KLC3: variants seen among roughly 807,000 people sequenced by gnomAD.
KLC3 encodes the protein kinesin light chain 3, also known as kinesin light chain 2.
In KLC3, 72 loss-of-function variants were observed where a neutral mutation model predicts 62.9. The ratio of observed to expected loss-of-function variants is 1.15; its 90% CI spans 0.95 to 1.39. The LOEUF is 1.39. KLC3 is among the 40% of genes most tolerant of loss of function. The pLI, the probability that KLC3 is intolerant of heterozygous loss-of-function variation, is 0.00. For synonymous variants in KLC3, 377 were observed against 300.5 expected (o/e 1.25, Z -2.63); for missense variants, 848 against 691.6 (o/e 1.23, Z -2.54).
intron 4 of KLC3, 48 bp downstream of exon 4, chr19:45,347,564 G>T: frequency 6.5e-7 from 1 of 1,544,642 alleles, no homozygotes; most frequent in Non-Finnish European, 8.8e-7. Flanking sequence ...CCAGGGTGGG[G>T]AGGGGGCTCT....
In KLC3 at chr19:45,347,433, T is replaced by C; in HGVS notation, c.490-14T>C. The C allele has an allele frequency of 1.2e-6, 2 of 1,607,072 alleles. No individual in the cohort carries two copies. Among genetic ancestry groups the C allele is most frequent in the Non-Finnish European group, 1.7e-6 (2 of 1,176,790 alleles). ...CCCCCACCACCCCGGCCCCCCACTT[T>C]CCTGTCTCTGCAGCAGTCTGAGTCC... On this transcript the variant is annotated splice_polypyrimidine_tract_variant and intron_variant, in intron 3 of 12. Transcript: ENST00000391946.
rs750760353 is a variant in KLC3 at position 45,348,915 on chromosome 19, A to T, written c.963A>T (p.Arg321=). The part of the protein sequence containing the change: ...EPLCQRALEI[R]EKVLGADHPD... The stretch of plus-strand genomic sequence containing the variant: ...TGTGCCAGCGCGCTTTGGAGATCCG[A>T]GAGAAGGTCCCATCCCCCTCACCCC... The change falls in exon 7 of 13, where the codon CGA becomes CGT. Residue 321 remains arginine (R), a synonymous_variant. Coordinates refer to ENST00000391946, the MANE Select transcript of KLC3 (RefSeq NM_177417.3). The T allele has an allele frequency of 7.0e-6, 11 of 1,577,854 alleles. No individual in the cohort carries two copies. In the African/African-American group the frequency reaches 1.5e-4, roughly 21 times the overall value.
intron 1 of KLC3, chr19:45,345,267 T>C (rs577274284): frequency 1.7e-6 from 1 of 581,976 alleles, no homozygotes; most frequent in East Asian, 2.9e-5. Flanking sequence ...CACATAGGAT[T>C]TGGGAACTGT....
intron 1 of KLC3, among the ~76,000 whole-genome samples, chr19:45,343,455 C>T (rs1180291860): frequency 1.3e-5 from 2 of 152,086 alleles, no homozygotes; most frequent in African/African-American, 2.4e-5. Flanking sequence ...ATGCCTCAGC[C>T]TCATGAGTAG....
chr19:45,351,159 T>G (rs1205150950), intron 12 of KLC3, 127 bp from the exon 13 acceptor site: 1 of 1,590,420 alleles, frequency 6.3e-7, no homozygotes, highest in East Asian at 2.2e-5. Flanking sequence ...GGAGCAAAGA[T>G]GGGTTTTACT....
intron 10 of KLC3, 38 bp from the exon 11 acceptor site, chr19:45,350,603 G>T (rs1971693938): frequency 1.2e-6 from 2 of 1,613,552 alleles, no homozygotes; most frequent in Non-Finnish European, 1.7e-6. Context: ...GACTGCATGG[G>T]CCTGGGGGAC....
chr19:45,346,459 C>CG (rs1447203752), intron 2 of KLC3, 85 bp from the exon 3 acceptor site: 1 of 1,155,722 alleles, frequency 8.7e-7, no homozygotes, highest in Non-Finnish European at 1.2e-6. Context: ...TGGGGTGCTA[C>CG]GGCCTGACTC....
In KLC3 at chr19:45,346,667, C is replaced by CGGCGG. The variant is rs1971500361; in HGVS notation, c.383_387dup (p.Leu130GlyfsTer87). ...GCGGGAGGAACTGGAGGAGACGCAGCGGCGGCTTCGGGCCAGCGAGGAGTC... is the reference window on the plus strand; with the variant it reads ...GCGGGAGGAACTGGAGGAGACGCAGCGGCGGGGCGGCTTCGGGCCAGCGAGGAGTC... On this transcript the variant is annotated frameshift_variant, in exon 3 of 13. Coordinates refer to ENST00000391946, the MANE Select transcript of KLC3 (RefSeq NM_177417.3). LOFTEE classifies it high-confidence loss of function. 2 of 1,558,230 alleles carry CGGCGG rather than the reference C, an allele frequency of 1.3e-6. No individual in the cohort carries two copies. Among genetic ancestry groups the CGGCGG allele is most frequent in the South Asian group, 2.4e-5 (2 of 84,472 alleles).
chr19:45,345,665 C>T lies in KLC3; in HGVS notation c.124C>T (p.His42Tyr). Reference protein sequence around the residue: ...QGLEALRAEHHGLAGHLAEAL... With the variant: ...QGLEALRAEHYGLAGHLAEAL... ...GCTGGAGGCGCTGCGGGCAGAGCAC[C>T]ATGGCCTGGCTGGGCACCTGGCGGA... The change falls in exon 2 of 13, where the codon CAT becomes TAT. Residue 42 changes from histidine to tyrosine, a missense_variant. Physicochemically the swap from His to Tyr is moderately conservative, Grantham distance 83. Transcript: ENST00000391946. 1.3e-6 allele frequency: 2 copies of T among 1,581,738 alleles called. No homozygotes were observed. Among genetic ancestry groups the T allele is most frequent in the Non-Finnish European group, 1.7e-6 (2 of 1,165,314 alleles).
rs1971572979 is a variant in KLC3, at chr19:45,348,682, C to T, written c.816C>T (p.Leu272=). ...QNKYKEATDL[L]HDALQIREQT... ...AGTACAAAGAAGCCACAGACCTTCT[C>T]CATGATGCCCTGCAGATCCGGGAGC... Residue 272 remains leucine (L), a synonymous_variant, in exon 6 of 13, where the codon CTC becomes CTT. Transcript: ENST00000391946. 2 of 1,595,942 alleles carry T rather than the reference C, an allele frequency of 1.3e-6. No individual in the cohort carries two copies. The highest frequency in any genetic ancestry group is 1.3e-5 in the African/African-American group (1 of 74,474).
Position 45,346,662 on chromosome 19 carries a change from C to G in KLC3, c.377C>G (p.Thr126Arg), listed in dbSNP as rs200641209. 1 of 1,559,466 alleles carries G rather than the reference C, an allele frequency of 6.4e-7. No individual in the cohort carries two copies. Among genetic ancestry groups the G allele is most frequent in the Admixed American group, 1.9e-5 (1 of 51,764 alleles). The change falls in exon 3 of 13, where the codon ACG (threonine) becomes AGG (arginine). Residue 126 changes from threonine (T) to arginine (R), a missense_variant. Thr to Arg is a moderately conservative substitution (Grantham distance 71). Coordinates refer to ENST00000391946, the MANE Select transcript of KLC3 (RefSeq NM_177417.3). The stretch of plus-strand genomic sequence containing the variant: ...TGGCTGCGGGAGGAACTGGAGGAGA[C>G]GCAGCGGCGGCTTCGGGCCAGCGAG... ...NVWLREELEE[T>R]QRRLRASEES...
Position 45,347,487 on chromosome 19 carries a change from T to A in KLC3, c.530T>A (p.Leu177Gln). ...SPPRRDSLAS[L>Q]FPSEEEERKG... is the part of the protein sequence containing the mutation. Reference sequence around the variant, plus strand: ...CCTCGCCGAGACAGCCTGGCCTCCCTGTTCCCCAGCGAGGAGGAGGAGAGG... The same window carrying A: ...CCTCGCCGAGACAGCCTGGCCTCCCAGTTCCCCAGCGAGGAGGAGGAGAGG... Residue 177 changes from leucine (L) to glutamine (Q), a missense_variant, in exon 4 of 13, where the codon CTG becomes CAG. Coordinates refer to ENST00000391946, the MANE Select transcript of KLC3 (RefSeq NM_177417.3). 1 of 1,611,998 alleles carries A rather than the reference T, an allele frequency of 6.2e-7. No individual in the cohort carries two copies. The highest frequency in any genetic ancestry group is 1.3e-5 in the African/African-American group (1 of 74,764).
At chr19:45,347,620 AG>A in intron 4 of KLC3, 104 bp downstream of exon 4, 1 of 1,089,390 alleles carries the variant, frequency 9.2e-7, no homozygotes, top group East Asian at 2.4e-5. Context: ...TGGGGAGGTG[AG>A]GGCAGGGTGA....
In KLC3 at chr19:45,347,981, C is replaced by T. The variant is rs1310102240; in HGVS notation, c.600C>T (p.Gly200=). The change falls in exon 5 of 13, where the codon GGC becomes GGT. Residue 200 remains glycine (G), a synonymous_variant. Coordinates refer to ENST00000391946, the MANE Select transcript of KLC3 (RefSeq NM_177417.3). Reference sequence around the variant, plus strand: ...GAGCAGCAGCTGCTCAGCAGGGTGGCTATGAGATCCCTGCCCGCCTTCGGA... The same window carrying T: ...GAGCAGCAGCTGCTCAGCAGGGTGGTTATGAGATCCCTGCCCGCCTTCGGA... The part of the protein sequence containing the change: ...AAGAAAAQQG[G]YEIPARLRTL... 1 of 1,609,312 alleles carries T rather than the reference C, an allele frequency of 6.2e-7. No individual in the cohort carries two copies. The highest frequency in any genetic ancestry group is 2.2e-5 in the East Asian group (1 of 44,712).
At position 45,348,073 on chromosome 19, in the gene KLC3, G is replaced by T; in HGVS notation, c.692G>T (p.Arg231Leu). 6.2e-7 allele frequency: 1 copy of T among 1,601,862 alleles called. No homozygotes were observed. Among genetic ancestry groups the T allele is most frequent in the Non-Finnish European group, 8.5e-7 (1 of 1,174,566 alleles). ...GRYEVAVPLC[R>L]QALEDLERSS... is the part of the protein sequence containing the mutation. ...TATGAGGTGGCGGTGCCTCTGTGCC[G>T]CCAGGCCTTGGAGGACCTGGAGCGC... is the stretch of plus-strand genomic sequence containing the variant. The change falls in exon 5 of 13, where the codon CGC (arginine) becomes CTC (leucine). Residue 231 changes from arginine to leucine, a missense_variant. Arg to Leu is a moderately radical substitution (Grantham distance 102, BLOSUM62 -2). Coordinates refer to ENST00000391946, the MANE Select transcript of KLC3 (RefSeq NM_177417.3).
chr19:45,349,854 T>C, intron 8 of KLC3: 1 of 517,190 alleles, frequency 1.9e-6, no homozygotes, highest in Non-Finnish European at 3.4e-6. Context: ...AGCAGACATT[T>C]ATTGAGCTCA....
At chr19:45,341,572 TGTGTGTGCGCGCGC>T (rs1568519285) in intron 1 of KLC3, among the ~76,000 whole-genome samples, 1 of 127,100 alleles carries the variant, frequency 7.9e-6, no homozygotes, top group Non-Finnish European at 1.8e-5. Context: ...TGTGTGTGTG[TGTGTGTGCGCGCGC>T]GCGTGTGGTG....
At chr19:45,348,981 A>G in intron 7 of KLC3, 60 bp downstream of exon 7, 2 of 1,423,614 alleles carry the variant, frequency 1.4e-6, no homozygotes, top group Non-Finnish European at 1.9e-6. Context: ...CTCCCCAGGG[A>G]TGCTGAGCAC....
At chr19:45,342,207 A>C (rs903297065) in intron 1 of KLC3, among the ~76,000 whole-genome samples, 2 of 151,456 alleles carry the variant, frequency 1.3e-5, no homozygotes, top group Non-Finnish European at 2.9e-5. Context: ...TGTCAGGATG[A>C]CTCTTGAACC....
Sources: allele counts gnomAD v4.1 joint callset (sites outside exome capture counted in the v4.1 genomes callset), GRCh38; gene constraint gnomAD v4.1.1; transcripts MANE v1.5; gene names NCBI Gene and HGNC (gene_info 2026-07-23, HGNC 2026-07-21).